COPB2: variants seen among roughly 807,000 people sequenced by gnomAD.
COPB2 encodes coat protein complex I subunit beta 2.
In COPB2, 16 loss-of-function variants were observed where a neutral mutation model predicts 120.8. That is an observed-to-expected ratio of 0.13 (90% CI 0.09 to 0.20). The LOEUF (loss-of-function observed/expected upper bound fraction) is 0.20. COPB2 is among the 10% of genes least tolerant of loss of function. COPB2 has a pLI of 1.00. For synonymous variants in COPB2, 332 were observed against 366.3 expected, an observed-to-expected ratio of 0.91 and a Z score of 1.07; for missense variants, 794 against 1,076.5, an observed-to-expected ratio of 0.74 and a Z score of 3.67.
chr3:139,359,514 TAATC>T (rs371762786), intron 17 of COPB2, 152 bp from the exon 18 acceptor site: 35 of 672,330 alleles, frequency 5.2e-5, no homozygotes, highest in Admixed American at 2.2e-4. Flanking sequence ...TAATGGTTGT[TAATC>T]AACACACTGC....
Position 139,371,664 on chromosome 3 carries a change from A to C in COPB2, c.1205+59T>G. On this transcript the variant is annotated intron_variant, in intron 10 of 21. Transcript: ENST00000333188. ...CCACATCAAGCCTTGAGAGTCTTCAAGCAGCACACAACACATCTGCAATCA... is the reference window on the plus strand; with the variant it reads ...CCACATCAAGCCTTGAGAGTCTTCACGCAGCACACAACACATCTGCAATCA... 2.1e-6 allele frequency: 3 copies of C among 1,418,676 alleles called. No individual in the cohort carries two copies. The South Asian group carries it at 3.5e-5, about 16-fold the overall frequency. The allele number at this position is 1,418,676 out of a possible 1,614,324, so 87.9% of individuals were successfully genotyped here. A position where few individuals can be genotyped will look rare whatever the true frequency, so the allele number is the denominator to read the frequency against.
intron 13 of COPB2, among the ~76,000 whole-genome samples, chr3:139,367,659 C>A (rs962105799): frequency 4.0e-5 from 6 of 151,520 alleles, no homozygotes; most frequent in Non-Finnish European, 8.8e-5. Flanking sequence ...GAAAAAAAAA[C>A]AAAACAAAAC....
At chr3:139,375,675 C>T (rs1941699993) in intron 5 of COPB2, 61 bp from the exon 6 acceptor site, 1 of 1,537,356 alleles carries the variant, frequency 6.5e-7, no homozygotes, top group Non-Finnish European at 8.8e-7. Context: ...AAGGCAAATC[C>T]ACCATATTTC....
At chr3:139,388,043 A>AT (rs1941956272) in intron 1 of COPB2, among the ~76,000 whole-genome samples, 1 of 152,216 alleles carries the variant, frequency 6.6e-6, no homozygotes, top group East Asian at 1.9e-4. Context: ...AAGGATTTAA[A>AT]ATATATAAAG....
intron 2 of COPB2, chr3:139,381,813 T>A (rs1339927383): frequency 6.6e-6 from 1 of 150,738 alleles, no homozygotes; most frequent in East Asian, 2.0e-4. Context: ...TAAGAGGGAA[T>A]CCCTAGGAAT....
In COPB2 at chr3:139,371,861, A is replaced by C. The variant is rs746151537; in HGVS notation, c.1095-28T>G. Reference sequence around the variant, plus strand: ...AGAAATCACAGAAGCCAGGGAGGGAAGTACAGAGGACCAAAGACATGTAGA... The same window carrying C: ...AGAAATCACAGAAGCCAGGGAGGGACGTACAGAGGACCAAAGACATGTAGA... On this transcript the variant is annotated intron_variant, in intron 9 of 21. Transcript: ENST00000333188. 1.9e-6 allele frequency: 3 copies of C among 1,568,992 alleles called. No individual in the cohort carries two copies. The South Asian group carries it at 3.3e-5, about 17-fold the overall frequency.
intron 8 of COPB2, 78 bp downstream of exon 8, chr3:139,373,588 C>T (rs1941661986): frequency 2.5e-6 from 4 of 1,589,788 alleles, no homozygotes; most frequent in Non-Finnish European, 2.6e-6. Flanking sequence ...AAACTGGTTA[C>T]TTGGAAGATG....
intron 1 of COPB2, chr3:139,385,546 T>C (rs988136184): frequency 2.6e-5 from 4 of 152,230 alleles, no homozygotes; most frequent in African/African-American, 9.6e-5. Context: ...GTTATATCCC[T>C]ATGCATGATG....
At chr3:139,361,036 C>T (rs1941409966) in intron 17 of COPB2, 45 bp downstream of exon 17, 3 of 1,598,146 alleles carry the variant, frequency 1.9e-6, no homozygotes, top group Non-Finnish European at 2.6e-6. Flanking sequence ...TCTCCAAAAA[C>T]CATCCTCAGT....
In COPB2 at chr3:139,369,250, G is replaced by A. The variant is rs373093004; in HGVS notation, c.1401+11C>T. ...AAATATTCCAAAAACAACAATGGAG[G>A]GGAAACTCACATGTTTGGGCTGAAT... On this transcript the variant is annotated intron_variant, in intron 12 of 21. Coordinates refer to ENST00000333188, the MANE Select transcript of COPB2 (RefSeq NM_004766.3). 2.9e-5 allele frequency: 46 copies of A among 1,593,912 alleles called. No homozygotes were observed. The African/African-American group carries it at 4.6e-4, about 16-fold the overall frequency.
chr3:139,377,106 A>G (rs1037805780), intron 5 of COPB2, among the ~76,000 whole-genome samples: 8 of 152,200 alleles, frequency 5.3e-5, no homozygotes, highest in African/African-American at 1.9e-4. Context: ...TCACTGCAAC[A>G]TGTATTAAGC....
intron 17 of COPB2, among the ~76,000 whole-genome samples, chr3:139,360,148 C>A (rs181459276): frequency 1.3e-5 from 2 of 149,504 alleles, no homozygotes; most frequent in Admixed American, 1.3e-4. Flanking sequence ...CACATACATA[C>A]AATGGGGTGC....
intron 12 of COPB2, among the ~76,000 whole-genome samples, chr3:139,369,003 T>C (rs980593948): frequency 3.9e-5 from 6 of 152,200 alleles, no homozygotes; most frequent in African/African-American, 1.4e-4. Flanking sequence ...AGCATGCTTT[T>C]TTCCTGTCAA....
At chr3:139,368,576 GT>G (rs915031661) in intron 12 of COPB2, among the ~76,000 whole-genome samples, 30 of 152,022 alleles carry the variant, frequency 2.0e-4, no homozygotes, top group African/African-American at 7.0e-4. Flanking sequence ...CTAGAACAGT[GT>G]TTATCACCTT....
chr3:139,358,175 G>A, intron 21 of COPB2, 25 bp downstream of exon 21: 1 of 1,601,410 alleles, frequency 6.2e-7, no homozygotes, highest in Non-Finnish European at 8.6e-7. Context: ...GGTAGAGGGA[G>A]GTTTGAGTAT....
chr3:139,376,130 G>A (rs533482742), intron 5 of COPB2, among the ~76,000 whole-genome samples: 5 of 152,280 alleles, frequency 3.3e-5, no homozygotes, highest in African/African-American at 9.6e-5. Flanking sequence ...GAAGGCACAC[G>A]CATGTAGTCC....
intron 5 of COPB2, among the ~76,000 whole-genome samples, chr3:139,377,220 T>A (rs1186438249): frequency 6.6e-6 from 1 of 151,180 alleles, no homozygotes; most frequent in Non-Finnish European, 1.5e-5. Flanking sequence ...GGATAAAGAT[T>A]TCCAAAAACG....
intron 1 of COPB2, among the ~76,000 whole-genome samples, chr3:139,387,803 T>C (rs1941950363): frequency 6.6e-6 from 1 of 152,216 alleles, no homozygotes; most frequent in African/African-American, 2.4e-5. Context: ...GTTTGACTTA[T>C]GTAAAACAGG....
At position 139,368,609 on chromosome 3, in the gene COPB2, C is replaced by T. The variant is rs141635741; in HGVS notation, c.1402-321G>A. On this transcript the variant is annotated intron_variant, in intron 12 of 21. Coordinates refer to ENST00000333188, the MANE Select transcript of COPB2 (RefSeq NM_004766.3). ...CCTTTTTTATTTTTTTCATTTTCAC[C>T]CACCCTCCCTAGAAGTCTTTCTGGA... 1.7e-3 allele frequency among the ~76,000 whole-genome samples: 251 copies of T among 151,982 alleles called. 3 individuals carry two copies. The East Asian group carries it at 0.031, about 19-fold the overall frequency.
Sources: gnomAD v4.1 joint callset for allele counts (sites outside exome capture counted in the v4.1 genomes callset) on GRCh38, gnomAD v4.1.1 for gene constraint, MANE v1.5 for transcripts, NCBI Gene and HGNC (gene_info 2026-07-23, HGNC 2026-07-21) for gene names.